Variants in AKAP7 observed in about 807,000 individuals in gnomAD.
The protein encoded by AKAP7 is A kinase (PRKA) anchor protein 7.
AKAP7 carries 39 observed loss-of-function variants against 39.5 expected under a neutral mutation model. The ratio of observed to expected loss-of-function variants is 0.99; its 90% CI spans 0.76 to 1.29. The LOEUF (loss-of-function observed/expected upper bound fraction) is 1.29. AKAP7 is among the 50% of genes most tolerant of loss of function. AKAP7 has a pLI of 0.00. For missense variants in AKAP7, 414 were observed against 407.7 expected, an observed-to-expected ratio of 1.02 and a Z score of -0.13; for synonymous variants, 140 against 139.1, an observed-to-expected ratio of 1.01 and a Z score of -0.05.
At chr6:131,251,847 C>T (rs906992590) in intron 7 of AKAP7, among the ~76,000 whole-genome samples, 1 of 152,188 alleles carries the variant, frequency 6.6e-6, no homozygotes, top group African/African-American at 2.4e-5. Context: ...TTTGGCAGCC[C>T]AAGACTCTTC....
chr6:131,135,916 G>T, intron 1 of AKAP7, 134 bp downstream of exon 1: 1 of 1,042,444 alleles, frequency 9.6e-7, no homozygotes, highest in South Asian at 4.9e-5. Context: ...TTCCCAAAAG[G>T]ACTCAGGGTA....
intron 7 of AKAP7, among the ~76,000 whole-genome samples, chr6:131,257,273 T>C (rs534669216): frequency 6.7e-6 from 1 of 149,718 alleles, no homozygotes; most frequent in African/African-American, 2.5e-5. Flanking sequence ...CTGGGTGTGA[T>C]AATGTGTACC....
At chr6:131,245,517 T>A (rs1474231393) in intron 7 of AKAP7, among the ~76,000 whole-genome samples, 2 of 151,944 alleles carry the variant, frequency 1.3e-5, no homozygotes, top group Non-Finnish European at 2.9e-5. Flanking sequence ...ACTGGGTATG[T>A]CCATCCGATT....
In AKAP7 at chr6:131,157,244, G is replaced by A. The variant is rs114985420; in HGVS notation, c.152-2815G>A. Reference sequence around the variant, plus strand: ...GACTCAATCCTCAAAAAGATCCTATGAAGTAGCTATTATTATTATTCTAAA... The same window carrying A: ...GACTCAATCCTCAAAAAGATCCTATAAAGTAGCTATTATTATTATTCTAAA... On this transcript the variant is annotated intron_variant, in intron 2 of 7. Transcript: ENST00000431975. 4.8e-3 allele frequency among the ~76,000 whole-genome samples: 735 copies of A among 152,314 alleles called. 6 individuals are homozygous for A. Among genetic ancestry groups the A allele is most frequent in the African/African-American group, 0.017 (709 of 41,566 alleles).
chr6:131,225,809 T>G (rs1055174471), intron 7 of AKAP7, among the ~76,000 whole-genome samples: 1 of 152,202 alleles, frequency 6.6e-6, no homozygotes. Flanking sequence ...TCATTTTTAG[T>G]GCACATGAAG....
chr6:131,276,555 TA>T (rs397887321), intron 7 of AKAP7, among the ~76,000 whole-genome samples: 232 of 145,236 alleles, frequency 1.6e-3, no homozygotes, highest in Admixed American at 2.1e-3. Context: ...TAAGCTCAGT[TA>T]AAAAAAAAAA....
At chr6:131,277,169 T>C (rs1325885580) in intron 7 of AKAP7, among the ~76,000 whole-genome samples, 1 of 148,018 alleles carries the variant, frequency 6.8e-6, no homozygotes, top group Non-Finnish European at 1.5e-5. Flanking sequence ...TACCTGAAGT[T>C]GATTGAAAAG....
chr6:131,129,284 C>CA, the AKAP7 span, among the ~76,000 whole-genome samples: 42,015 of 130,794 alleles, frequency 0.32, 6,863 homozygotes, highest in African/African-American at 0.41. Context: ...AAGACTCTGT[C>CA]AAAAAAAAAA....
intron 7 of AKAP7, among the ~76,000 whole-genome samples, chr6:131,265,048 G>A (rs1813667389): frequency 6.6e-6 from 1 of 152,208 alleles, no homozygotes. Flanking sequence ...ATGAGATTTT[G>A]AGGGGACAAA....
chr6:131,204,973 G>T lies in AKAP7; in HGVS notation c.702+5400G>T, dbSNP rs189807333. ...ATTTTATGTATGATACTGATGCACT[G>T]AAAGTACTGATGCACTAAAAGCACC... On this transcript the variant is annotated intron_variant, in intron 6 of 7. Transcript: ENST00000431975. 3.9e-5 allele frequency among the ~76,000 whole-genome samples: 6 copies of T among 152,288 alleles called. No homozygotes were observed. The East Asian group carries it at 1.2e-3, about 29-fold the overall frequency.
In AKAP7 at chr6:131,136,805, T is replaced by G. The variant is rs928376824; in HGVS notation, c.19+1023T>G. On this transcript the variant is annotated intron_variant, in intron 1 of 7. Transcript: ENST00000431975. ...AAGGAAAGCCTGGAGGTCAAGTAACTTGTTGATTTCTACGCAGCTGTCAAC... is the reference window on the plus strand; with the variant it reads ...AAGGAAAGCCTGGAGGTCAAGTAACGTGTTGATTTCTACGCAGCTGTCAAC... 6 of 947,006 alleles carry G rather than the reference T, an allele frequency of 6.3e-6. No individual in the cohort carries two copies. The Admixed American group carries it at 1.9e-4, about 29-fold the overall frequency. The allele number at this position is 947,006 out of a possible 1,614,324, so 58.7% of individuals were successfully genotyped here. A position where few individuals can be genotyped will look rare whatever the true frequency, so the allele number is the denominator to read the frequency against.
upstream of AKAP7, among the ~76,000 whole-genome samples, chr6:131,131,336 A>G (rs1005560009): frequency 6.6e-6 from 1 of 152,218 alleles, no homozygotes; most frequent in African/African-American, 2.4e-5. Context: ...ACACCTTTGC[A>G]TGCAGGAGCC....
intron 7 of AKAP7, among the ~76,000 whole-genome samples, chr6:131,234,785 A>G (rs1439580077): frequency 2.0e-5 from 3 of 151,812 alleles, no homozygotes; most frequent in Non-Finnish European, 4.4e-5. Context: ...TATTAAGACC[A>G]TAAATTCCAT....
intron 5 of AKAP7, among the ~76,000 whole-genome samples, chr6:131,177,547 A>G (rs1446994475): frequency 5.3e-5 from 8 of 152,304 alleles, no homozygotes; most frequent in African/African-American, 1.9e-4. Flanking sequence ...TTTATGAGGG[A>G]TCCACCCCTG....
At chr6:131,172,226 C>T (rs951697236) in intron 5 of AKAP7, among the ~76,000 whole-genome samples, 1 of 152,084 alleles carries the variant, frequency 6.6e-6, no homozygotes, top group Admixed American at 6.5e-5. Flanking sequence ...TTAAGAGGCA[C>T]AATTTTTAAT....
intron 7 of AKAP7, among the ~76,000 whole-genome samples, chr6:131,235,132 C>T (rs1810937884): frequency 1.3e-5 from 2 of 152,190 alleles, no homozygotes; most frequent in Admixed American, 6.5e-5. Context: ...TGTTCAATTC[C>T]CACCTATGAA....
intron 7 of AKAP7, among the ~76,000 whole-genome samples, chr6:131,256,895 A>G (rs571227089): frequency 1.3e-5 from 2 of 152,204 alleles, no homozygotes; most frequent in African/African-American, 2.4e-5. Context: ...GGAAATATTT[A>G]TAGTAAAATA....
intron 5 of AKAP7, chr6:131,185,380 G>A: frequency 1.9e-6 from 1 of 531,442 alleles, no homozygotes. Context: ...GCAGGCACAT[G>A]CTGTGCTCAG....
chr6:131,215,504 A>G (rs1809090685), intron 6 of AKAP7, among the ~76,000 whole-genome samples: 2 of 152,324 alleles, frequency 1.3e-5, no homozygotes, highest in East Asian at 1.9e-4. Context: ...GGAAGGCTGC[A>G]GCTGAGGGAA....
Sources: gnomAD v4.1 joint callset for allele counts (sites outside exome capture counted in the v4.1 genomes callset) on GRCh38, gnomAD v4.1.1 for gene constraint, MANE v1.5 for transcripts, NCBI Gene and HGNC (gene_info 2026-07-23, HGNC 2026-07-21) for gene names.